VAT1L: variants seen among roughly 807,000 people sequenced by gnomAD.
VAT1L encodes vesicle amine transport 1 like, also known as putative NADPH-dependent quinone oxidoreductase VAT1L.
In VAT1L, 34 loss-of-function variants were observed where a neutral mutation model predicts 44.1. The observed-to-expected ratio is 0.77, with a 90% confidence interval of 0.59 to 1.03. The LOEUF (loss-of-function observed/expected upper bound fraction) is 1.03, where lower values mean the gene tolerates loss of function less well. Among genes scored for constraint, VAT1L ranks in the 50% least tolerant of loss-of-function variants. VAT1L has a pLI of 0.00. For synonymous variants in VAT1L, 253 were observed against 202.2 expected, an observed-to-expected ratio of 1.25 and a Z score of -2.13; for missense variants, 615 against 538.8, an observed-to-expected ratio of 1.14 and a Z score of -1.40.
chr16:77,933,305 A>C (rs1323022996), intron 7 of VAT1L, among the ~76,000 whole-genome samples: 1 of 152,226 alleles, frequency 6.6e-6, no homozygotes, highest in Admixed American at 6.5e-5. Context: ...TAAGTGACAA[A>C]GCCAGACTCA....
intron 8 of VAT1L, among the ~76,000 whole-genome samples, chr16:77,977,259 G>A (rs1476945927): frequency 6.6e-6 from 1 of 152,136 alleles, no homozygotes; most frequent in Non-Finnish European, 1.5e-5. Flanking sequence ...TCTCTCAGAG[G>A]TCCCCAGCAG....
chr16:77,864,001 T>C (rs1597072990), intron 4 of VAT1L, among the ~76,000 whole-genome samples: 1 of 152,162 alleles, frequency 6.6e-6, no homozygotes, highest in South Asian at 2.1e-4. Context: ...TTGCTGGCTG[T>C]TGCAGTCACC....
intron 7 of VAT1L, among the ~76,000 whole-genome samples, chr16:77,897,421 G>A (rs545810848): frequency 7.0e-4 from 106 of 152,308 alleles, no homozygotes; most frequent in African/African-American, 2.5e-3. Context: ...ATGTGCAGAA[G>A]CAGGTCTGAT....
intron 3 of VAT1L, among the ~76,000 whole-genome samples, chr16:77,828,363 C>A (rs1320339248): frequency 2.6e-5 from 4 of 152,206 alleles, no homozygotes; most frequent in African/African-American, 7.2e-5. Context: ...TCACAAGAGT[C>A]CTTAAAGGTG....
In VAT1L at chr16:77,978,095, C is replaced by A; in HGVS notation, c.*400C>A. 1 of 164,960 alleles carries A rather than the reference C, an allele frequency of 6.1e-6. No homozygotes were observed. The highest frequency in any genetic ancestry group is 1.6e-4 in the South Asian group (1 of 6,140). 10.2% of individuals were successfully genotyped at this position (164,960 alleles called of 1,614,324 possible). A position where few individuals can be genotyped will look rare whatever the true frequency, so the allele number is the denominator to read the frequency against. ...GTCCAGCTCCTAGAATTCCTCAGGC[C>A]AGTGACACTTTTTTGCTGCTGGCCA... On this transcript the variant is annotated 3_prime_UTR_variant, in exon 9 of 9. Coordinates refer to ENST00000302536, the MANE Select transcript of VAT1L (RefSeq NM_020927.3).
Position 77,809,282 on chromosome 16 carries a change from C to T in VAT1L, c.234-7639C>T, listed in dbSNP as rs114658431. Among the ~76,000 whole-genome samples the T allele has an allele frequency of 4.0e-3, 608 of 152,258 alleles. 3 individuals carry two copies. Among genetic ancestry groups the T allele is most frequent in the African/African-American group, 0.014 (585 of 41,552 alleles). ...AACACCATGCCTGATACATAGAAAG[C>T]GCCCCATAAAAGTTACCTATTACAA... On this transcript the variant is annotated intron_variant, in intron 1 of 8. Transcript: ENST00000302536.
chr16:77,898,663 A>G (rs972658759), intron 7 of VAT1L, among the ~76,000 whole-genome samples: 1 of 130,374 alleles, frequency 7.7e-6, no homozygotes, highest in Non-Finnish European at 1.6e-5. Flanking sequence ...CTCTGTTACC[A>G]GATCAGAAGG....
intron 7 of VAT1L, among the ~76,000 whole-genome samples, chr16:77,934,853 T>C (rs1432617124): frequency 1.3e-5 from 2 of 152,106 alleles, no homozygotes; most frequent in African/African-American, 4.8e-5. Context: ...TATCAGACAA[T>C]GGAGACATGA....
intron 7 of VAT1L, among the ~76,000 whole-genome samples, chr16:77,891,487 A>G (rs2017265526): frequency 6.6e-6 from 1 of 152,218 alleles, no homozygotes; most frequent in Admixed American, 6.5e-5. Flanking sequence ...AGACGGTATC[A>G]TCCTTTTTTG....
chr16:77,945,200 A>G (rs367730110), intron 7 of VAT1L, among the ~76,000 whole-genome samples: 2 of 150,816 alleles, frequency 1.3e-5, no homozygotes, highest in African/African-American at 4.9e-5. Flanking sequence ...ATAGAAGAGC[A>G]CAAAAAACAT....
At chr16:77,821,979 C>T (rs1388959507) in intron 2 of VAT1L, among the ~76,000 whole-genome samples, 1 of 152,182 alleles carries the variant, frequency 6.6e-6, no homozygotes, top group South Asian at 2.1e-4. Flanking sequence ...TGCACTTTCT[C>T]GTGTTTCCTG....
chr16:77,835,734 G>A (rs571179805), intron 3 of VAT1L, among the ~76,000 whole-genome samples: 117 of 152,196 alleles, frequency 7.7e-4, no homozygotes, highest in African/African-American at 2.7e-3. Flanking sequence ...TTAGCCAGGC[G>A]TGGTGGTGGA....
chr16:77,941,243 C>A (rs949563504), intron 7 of VAT1L, among the ~76,000 whole-genome samples: 1 of 152,090 alleles, frequency 6.6e-6, no homozygotes, highest in Non-Finnish European at 1.5e-5. Context: ...GCTAGTGGGG[C>A]CTTTTGGAGG....
At chr16:77,904,363 A>G (rs2017418203) in intron 7 of VAT1L, among the ~76,000 whole-genome samples, 1 of 152,134 alleles carries the variant, frequency 6.6e-6, no homozygotes, top group Admixed American at 6.5e-5. Context: ...CAAAATATCA[A>G]AGACTGAGTG....
chr16:77,791,467 G>A (rs543409870), intron 1 of VAT1L, among the ~76,000 whole-genome samples: 4 of 152,124 alleles, frequency 2.6e-5, no homozygotes, highest in East Asian at 1.9e-4. Flanking sequence ...TCATTAATGC[G>A]CCAGTGAGAT....
chr16:77,868,651 C>T, intron 4 of VAT1L, among the ~76,000 whole-genome samples: 1 of 152,178 alleles, frequency 6.6e-6, no homozygotes, highest in East Asian at 1.9e-4. Flanking sequence ...CACACTGACT[C>T]TCACAAAGGA....
At chr16:77,959,347 C>G (rs973129597) in intron 7 of VAT1L, among the ~76,000 whole-genome samples, 12 of 152,196 alleles carry the variant, frequency 7.9e-5, no homozygotes, top group African/African-American at 2.9e-4. Context: ...GCCAGAAATT[C>G]CAGATCTCAA....
intron 8 of VAT1L, among the ~76,000 whole-genome samples, chr16:77,973,657 G>C (rs568576840): frequency 1.3e-5 from 2 of 148,452 alleles, no homozygotes; most frequent in Admixed American, 6.8e-5. Flanking sequence ...ATTGATTCTT[G>C]AAGCTGCATC....
At chr16:77,828,880 G>A (rs1597055184) in intron 3 of VAT1L, among the ~76,000 whole-genome samples, 2 of 152,106 alleles carry the variant, frequency 1.3e-5, no homozygotes, top group East Asian at 1.9e-4. Flanking sequence ...TTAGCCGAGC[G>A]AAACCCATTT....
Sources: allele counts gnomAD v4.1 joint callset (sites outside exome capture counted in the v4.1 genomes callset), GRCh38; gene constraint gnomAD v4.1.1; transcripts MANE v1.5; gene names NCBI Gene and HGNC (gene_info 2026-07-23, HGNC 2026-07-21).